The following SOX5 variants were observed in gnomAD, a reference collection of about 807,000 sequenced individuals.
SOX5 encodes the protein SRY-box transcription factor 5.
SOX5 carries 9 observed loss-of-function variants against 92.0 expected under a neutral mutation model. The observed-to-expected ratio is 0.10, with a 90% CI of 0.06 to 0.17. SOX5 has a LOEUF of 0.17. Ranked by LOEUF, SOX5 falls within the 10% of genes least tolerant of loss-of-function variation. The pLI, the probability that SOX5 is intolerant of heterozygous loss-of-function variation, is 1.00. For missense variants in SOX5, 642 were observed against 944.5 expected (o/e 0.68, Z 4.20); for synonymous variants, 344 against 336.3 (o/e 1.02, Z -0.25).
chr12:23,795,412 T>A (rs1227240569), intron 3 of SOX5, among the ~76,000 whole-genome samples: 12 of 152,146 alleles, frequency 7.9e-5, no homozygotes. Flanking sequence ...TTTTCCCCTT[T>A]TCTGTACCTC....
intron 1 of SOX5, among the ~76,000 whole-genome samples, chr12:24,424,813 G>GGGT (rs1966495256): frequency 6.6e-6 from 1 of 150,726 alleles, no homozygotes; most frequent in Admixed American, 6.6e-5. Flanking sequence ...TTTTTTGGGG[G>GGGT]GGGGGGATGG....
At chr12:24,420,305 T>C (rs1345620185) in intron 1 of SOX5, among the ~76,000 whole-genome samples, 1 of 152,206 alleles carries the variant, frequency 6.6e-6, no homozygotes, top group Non-Finnish European at 1.5e-5. Context: ...GAACAGGCTA[T>C]GTACAGATGA....
intron 2 of SOX5, among the ~76,000 whole-genome samples, chr12:24,308,267 A>G (rs151309146): frequency 1.5e-4 from 23 of 152,302 alleles, no homozygotes; most frequent in African/African-American, 5.3e-4. Flanking sequence ...AGTCCACCTC[A>G]AGGGAAGAAC....
intron 1 of SOX5, among the ~76,000 whole-genome samples, chr12:24,551,029 A>C (rs1953101417): frequency 6.6e-6 from 1 of 152,196 alleles, no homozygotes; most frequent in African/African-American, 2.4e-5. Context: ...TGCAGTCATT[A>C]CCTTAGCAAA....
chr12:24,002,569 G>GTTTTTTTTTTTTTTTTTCTT (rs1555468917), intron 4 of SOX5, among the ~76,000 whole-genome samples: 1 of 149,084 alleles, frequency 6.7e-6, no homozygotes, highest in African/African-American at 2.5e-5. Flanking sequence ...AATTGAATTA[G>GTTTTTTTTTTTTTTTTTCTT]TAATTTTCTT....
At chr12:23,744,749 A>G (rs1435432900) in intron 4 of SOX5, among the ~76,000 whole-genome samples, 5 of 152,278 alleles carry the variant, frequency 3.3e-5, no homozygotes, top group East Asian at 3.9e-4. Flanking sequence ...AGATTTAAGC[A>G]TATACAATAA....
At chr12:24,124,887 G>A (rs903147417) in intron 4 of SOX5, among the ~76,000 whole-genome samples, 1 of 152,164 alleles carries the variant, frequency 6.6e-6, no homozygotes, top group African/African-American at 2.4e-5. Context: ...ATACATTCGT[G>A]TGTAAAACAG....
chr12:24,093,303 C>A (rs1044670590), intron 4 of SOX5, among the ~76,000 whole-genome samples: 1 of 151,970 alleles, frequency 6.6e-6, no homozygotes, highest in African/African-American at 2.4e-5. Flanking sequence ...GGGCAGATCA[C>A]GAGGTCCGGA....
intron 4 of SOX5, among the ~76,000 whole-genome samples, chr12:24,019,895 A>G (rs1954090303): frequency 6.6e-6 from 1 of 152,186 alleles, no homozygotes; most frequent in Non-Finnish European, 1.5e-5. Flanking sequence ...GGAGGCAATT[A>G]ATTACTTTTA....
At chr12:24,317,157 A>G (rs1949769381) in intron 2 of SOX5, among the ~76,000 whole-genome samples, 1 of 152,236 alleles carries the variant, frequency 6.6e-6, no homozygotes, top group African/African-American at 2.4e-5. Context: ...TGTGTTTAAC[A>G]ATGAGCACTG....
intron 4 of SOX5, among the ~76,000 whole-genome samples, chr12:24,130,916 T>C (rs1023566093): frequency 3.3e-5 from 5 of 152,174 alleles, no homozygotes; most frequent in African/African-American, 1.2e-4. Flanking sequence ...ACCTAGGACA[T>C]CTAACATCTA....
At chr12:24,259,175 A>C (rs1245959815) in intron 3 of SOX5, among the ~76,000 whole-genome samples, 1 of 152,186 alleles carries the variant, frequency 6.6e-6, no homozygotes, top group African/African-American at 2.4e-5. Flanking sequence ...CTATATATTC[A>C]ATGTGGAACA....
intron 1 of SOX5, among the ~76,000 whole-genome samples, chr12:23,907,171 T>TGTGTGTGC (rs1353949274): frequency 2.0e-5 from 3 of 152,066 alleles, no homozygotes; most frequent in Non-Finnish European, 2.9e-5. Context: ...TATGCAACCA[T>TGTGTGTGC]GTGTGTGCAT....
intron 14 of SOX5, among the ~76,000 whole-genome samples, chr12:23,534,916 G>A (rs1479917127): frequency 6.6e-6 from 1 of 151,892 alleles, no homozygotes; most frequent in Non-Finnish European, 1.5e-5. Flanking sequence ...CACCATGTTG[G>A]CCAGGCTGGT....
chr12:24,379,441 G>A (rs1461053361), intron 1 of SOX5, among the ~76,000 whole-genome samples: 1 of 152,142 alleles, frequency 6.6e-6, no homozygotes, highest in African/African-American at 2.4e-5. Context: ...CCTAGCAATT[G>A]AGATTATATA....
At position 24,136,894 on chromosome 12, in the gene SOX5, T is replaced by C. The variant is rs543266404; in HGVS notation, c.-2+76449A>G. 3.9e-5 allele frequency among the ~76,000 whole-genome samples: 6 copies of C among 152,336 alleles called. No individual in the cohort carries two copies. The South Asian group carries it at 1.0e-3, about 26-fold the overall frequency. On this transcript the variant is annotated intron_variant, in intron 4 of 4. Coordinates refer to the SOX5 transcript ENST00000446891. ...CTGAAGGCCTTTGTTACACTTTAGC[T>C]CAAATAAATTAGAGTTTTAATGTCT...
At chr12:24,335,287 T>A (rs1041618756) in intron 2 of SOX5, among the ~76,000 whole-genome samples, 2 of 152,130 alleles carry the variant, frequency 1.3e-5, no homozygotes, top group African/African-American at 4.8e-5. Context: ...CAGCTCTTGC[T>A]TCCTTCTCAA....
intron 1 of SOX5, among the ~76,000 whole-genome samples, chr12:24,440,639 T>A (rs900810063): frequency 2.7e-5 from 3 of 109,860 alleles, no homozygotes; most frequent in Admixed American, 1.8e-4. Flanking sequence ...TGTGTGTGTG[T>A]GAAGAACAGA....
At chr12:23,704,868 G>A (rs2091188226) in intron 6 of SOX5, among the ~76,000 whole-genome samples, 2 of 149,022 alleles carry the variant, frequency 1.3e-5, no homozygotes. Context: ...ATTCACTATG[G>A]AAATTCTGTT....
Sources: gnomAD v4.1 joint callset for allele counts (sites outside exome capture counted in the v4.1 genomes callset) on GRCh38, gnomAD v4.1.1 for gene constraint, MANE v1.5 for transcripts, NCBI Gene and HGNC (gene_info 2026-07-23, HGNC 2026-07-21) for gene names.